SCN10A: variants seen among roughly 807,000 people sequenced by gnomAD.
SCN10A encodes sodium channel protein type 10 subunit alpha.
A neutral mutation model predicts 170.7 loss-of-function variants in SCN10A; 162 were observed. The observed-to-expected ratio is 0.95, with a 90% CI of 0.84 to 1.08. The LOEUF is 1.08. Among genes scored for constraint, SCN10A ranks in the 50% least tolerant of loss-of-function variants. The pLI is 0.00. For missense variants in SCN10A, 2,527 were observed against 2,436.9 expected, an observed-to-expected ratio of 1.04 and a Z score of -0.78; for synonymous variants, 985 against 904.6, an observed-to-expected ratio of 1.09 and a Z score of -1.59.
At chr3:38,700,331 G>T (rs961327958) in intron 27 of SCN10A, among the ~76,000 whole-genome samples, 14 of 152,186 alleles carry the variant, frequency 9.2e-5, no homozygotes, top group Admixed American at 3.9e-4. Flanking sequence ...CAAACTTCCA[G>T]TTATGTGACA....
chr3:38,791,148 T>C (rs978547989), intron 3 of SCN10A, among the ~76,000 whole-genome samples: 1 of 152,136 alleles, frequency 6.6e-6, no homozygotes, highest in African/African-American at 2.4e-5. Context: ...TTACCATTTG[T>C]CAGGCAACTG....
intron 15 of SCN10A, among the ~76,000 whole-genome samples, chr3:38,734,915 A>C (rs1265224022): frequency 6.6e-6 from 1 of 152,178 alleles, no homozygotes; most frequent in Non-Finnish European, 1.5e-5. Flanking sequence ...TCATGCCTGT[A>C]ATCCCAGCAC....
intron 18 of SCN10A, among the ~76,000 whole-genome samples, 191 bp downstream of exon 18, chr3:38,724,983 T>C (rs565935036): frequency 2.6e-4 from 40 of 152,278 alleles, no homozygotes; most frequent in African/African-American, 8.9e-4. Flanking sequence ...TGGTATATGG[T>C]GAAAGTTGAA....
chr3:38,707,332 C>A lies in SCN10A; in HGVS notation c.4333G>T (p.Ala1445Ser). 7 of 1,614,138 alleles carry A rather than the reference C, an allele frequency of 4.3e-6. No homozygotes were observed. The highest frequency in any genetic ancestry group is 1.7e-4 in the Middle Eastern group (1 of 6,060). ...MTEEQKKYYNAMKKLGSKKPQ... is the reference protein window; with the variant it reads ...MTEEQKKYYNSMKKLGSKKPQ... ...TTCTTGGAGCCCAACTTCTTCATGGCATTGTAGTATTTCTTCTGCTCCTCT... is the reference window on the plus strand; with the variant it reads ...TTCTTGGAGCCCAACTTCTTCATGGAATTGTAGTATTTCTTCTGCTCCTCT... The change falls in exon 26 of 28, where the codon GCC (alanine) becomes TCC (serine). Residue 1445 changes from alanine to serine, a missense_variant. Physicochemically the swap from Ala to Ser is moderately conservative, Grantham distance 99 (BLOSUM62 1). Transcript: ENST00000449082.
In SCN10A at chr3:38,757,153, G is replaced by A. The variant is rs752075001; in HGVS notation, c.957C>T (p.Cys319=). 42 of 1,598,506 alleles carry A rather than the reference G, an allele frequency of 2.6e-5. No homozygotes were observed. Among genetic ancestry groups the A allele is most frequent in the Non-Finnish European group, 3.6e-5 (42 of 1,173,196 alleles). The change falls in exon 9 of 28, where the codon TGC becomes TGT. Residue 319 remains cysteine (C), a synonymous_variant. Transcript: ENST00000449082. ...TTTTAAGGCAGATATAACCATCAGG[G>A]CAGTGGCTGCAGCAAGAACAGAGAA... ...LCGNGSDSGH[C]PDGYICLKTS... is the part of the protein sequence containing the mutation.
At position 38,706,881 on chromosome 3, in the gene SCN10A, T is replaced by C. The variant is rs866253953; in HGVS notation, c.4386+398A>G. ...CCTCTCTATACCTGTAGGCGTGGGG[T>C]AGAATATAGGGTGATACTGGAGATC... On this transcript the variant is annotated intron_variant, in intron 26 of 27. Coordinates refer to ENST00000449082, the MANE Select transcript of SCN10A (RefSeq NM_006514.4). Among the ~76,000 whole-genome samples, 8 of 151,998 alleles carry C rather than the reference T, an allele frequency of 5.3e-5. No individual in the cohort carries two copies. The South Asian group carries it at 1.7e-3, about 32-fold the overall frequency.
intron 15 of SCN10A, among the ~76,000 whole-genome samples, chr3:38,738,875 T>C (rs1377003283): frequency 6.6e-6 from 1 of 152,192 alleles, no homozygotes; most frequent in Non-Finnish European, 1.5e-5. Flanking sequence ...AGAAGAGCCA[T>C]CATTGCATGT....
intron 23 of SCN10A, 79 bp downstream of exon 23, chr3:38,712,082 G>T: frequency 7.0e-7 from 1 of 1,419,476 alleles, no homozygotes; most frequent in Non-Finnish European, 9.8e-7. Context: ...TCCCCACATA[G>T]CATCTTCTGG....
rs2063796662 is a variant in SCN10A at position 38,755,783 on chromosome 3, C to G, written c.1461+5G>C. The G allele has an allele frequency of 1.2e-6, 2 of 1,613,340 alleles. No individual in the cohort carries two copies. Among genetic ancestry groups the G allele is most frequent in the Non-Finnish European group, 1.7e-6 (2 of 1,179,990 alleles). On this transcript the variant is annotated splice_donor_5th_base_variant and intron_variant, in intron 11 of 27. Coordinates refer to ENST00000449082, the MANE Select transcript of SCN10A (RefSeq NM_006514.4). ...ATCTTTAGAGCACAAACCTGAGCCT[C>G]TTACCATCCTGCGCTGGTTGTAAGG... is the stretch of plus-strand genomic sequence containing the variant.
At chr3:38,750,904 A>C (rs2063739830) in intron 12 of SCN10A, among the ~76,000 whole-genome samples, 1 of 152,196 alleles carries the variant, frequency 6.6e-6, no homozygotes, top group African/African-American at 2.4e-5. Context: ...CTAGAGTGCT[A>C]ATGCACTCCC....
intron 1 of SCN10A, among the ~76,000 whole-genome samples, chr3:38,794,274 T>C (rs998615371): frequency 6.6e-6 from 1 of 152,110 alleles, no homozygotes; most frequent in Admixed American, 6.6e-5. Flanking sequence ...TTGCTCCCCA[T>C]GTGCTTCTAT....
intron 1 of SCN10A, among the ~76,000 whole-genome samples, chr3:38,798,423 G>T (rs1394723455): frequency 6.6e-6 from 1 of 152,170 alleles, no homozygotes; most frequent in African/African-American, 2.4e-5. Context: ...AATGAGCAAG[G>T]TGCAGATAGT....
chr3:38,758,627 G>A (rs933714796), intron 8 of SCN10A, among the ~76,000 whole-genome samples: 4 of 152,186 alleles, frequency 2.6e-5, no homozygotes, highest in Non-Finnish European at 5.9e-5. Context: ...ATTGGCCAAT[G>A]TGGGCCTTTC....
intron 4 of SCN10A, among the ~76,000 whole-genome samples, chr3:38,774,937 C>A (rs578129064): frequency 6.6e-6 from 1 of 152,120 alleles, no homozygotes; most frequent in Non-Finnish European, 1.5e-5. Flanking sequence ...AGCTGCGTTC[C>A]GTGAATAAGG....
At position 38,697,241 on chromosome 3, in the gene SCN10A, G is replaced by T; in HGVS notation, c.*108C>A. 6.6e-7 allele frequency: 1 copy of T among 1,510,710 alleles called. No homozygotes were observed. Among genetic ancestry groups the T allele is most frequent in the Non-Finnish European group, 8.9e-7 (1 of 1,128,050 alleles). 93.6% of individuals were successfully genotyped at this position (1,510,710 alleles called of 1,614,324 possible). ...GCCCAGTTCTGACATTGTGACCAGT[G>T]GCATGCATTGGTGAGGCTGTAGCTG... On this transcript the variant is annotated 3_prime_UTR_variant, in exon 28 of 28. Coordinates refer to ENST00000449082, the MANE Select transcript of SCN10A (RefSeq NM_006514.4).
At chr3:38,738,899 AGGCAGGTTGAAG>A (rs2126011842) in intron 15 of SCN10A, among the ~76,000 whole-genome samples, 1 of 152,290 alleles carries the variant, frequency 6.6e-6, no homozygotes, top group Admixed American at 6.5e-5. Context: ...TGAGACTAAT[AGGCAGGTTGAAG>A]GTGCTTGAGA....
chr3:38,731,639 A>C (rs2063513957), intron 15 of SCN10A, among the ~76,000 whole-genome samples: 1 of 152,224 alleles, frequency 6.6e-6, no homozygotes, highest in African/African-American at 2.4e-5. Context: ...GGCTGAAATC[A>C]ATTGGAACCA....
chr3:38,756,301 TA>T (rs57346275), intron 10 of SCN10A, among the ~76,000 whole-genome samples: 168 of 141,980 alleles, frequency 1.2e-3, no homozygotes, highest in Admixed American at 9.1e-4. Flanking sequence ...ATGGGGAGGG[TA>T]AAAAAAAAAA....
Position 38,739,640 on chromosome 3 carries a change from A to G in SCN10A, c.2155T>C (p.Phe719Leu), listed in dbSNP as rs1011837516. 1 of 1,614,064 alleles carries G rather than the reference A, an allele frequency of 6.2e-7. No individual in the cohort carries two copies. The highest frequency in any genetic ancestry group is 8.5e-7 in the Non-Finnish European group (1 of 1,179,994). Residue 719 changes from phenylalanine (F) to leucine (L), a missense_variant, in exon 15 of 28, where the codon TTC becomes CTC. Transcript: ENST00000449082. ...TAEMVFKIIAFDPYYYFQKKW... is the reference protein window; with the variant it reads ...TAEMVFKIIALDPYYYFQKKW... ...TTCTGGAAATAATAGTATGGGTCGA[A>G]GGCAATGATTTTGAAGACCATTTCA... is the stretch of plus-strand genomic sequence containing the variant.
Sources: allele counts gnomAD v4.1 joint callset (sites outside exome capture counted in the v4.1 genomes callset), GRCh38; gene constraint gnomAD v4.1.1; transcripts MANE v1.5; gene names NCBI Gene and HGNC (gene_info 2026-07-23, HGNC 2026-07-21).